TTN: variants seen among roughly 807,000 people sequenced by gnomAD.
The protein encoded by TTN is connectin.
Under a neutral mutation model 3,223.0 loss-of-function variants are expected in TTN, and 1,525 were observed. That is an observed-to-expected ratio of 0.47 (90% confidence interval 0.45 to 0.49). The LOEUF (loss-of-function observed/expected upper bound fraction) is 0.49. Ranked by LOEUF, TTN falls within the 20% of genes least tolerant of loss-of-function variation. The probability of loss-of-function intolerance (pLI) is 0.00; values close to 1 mark genes in which losing one functional copy is unlikely to be tolerated. For synonymous variants in TTN, 14,094 were observed against 15,161.0 expected, an observed-to-expected ratio of 0.93 and a Z score of 5.17; for missense variants, 40,786 against 43,424.0, an observed-to-expected ratio of 0.94 and a Z score of 5.40.
At position 178,614,906 on chromosome 2, in the gene TTN, C is replaced by T; in HGVS notation, c.48701G>A (p.Arg16234Lys). The T allele has an allele frequency of 6.3e-7, 1 of 1,588,130 alleles. No individual in the cohort carries two copies. Among genetic ancestry groups the T allele is most frequent in the Non-Finnish European group, 8.6e-7 (1 of 1,165,794 alleles). ...TCTGCTTGGTTTGCTAGCACCCTGC[C>T]TGTTTAAGGCCTTCACGCGGTAGGC... ...WYAYRVKALN[R>K]QGASKPSRPT... The change falls in exon 260 of 363, where the codon AGG (arginine) becomes AAG (lysine). Residue 16234 changes from arginine to lysine, a missense_variant. Arg to Lys is a conservative substitution (Grantham distance 26). Transcript: ENST00000589042.
chr2:178,794,370 C>T lies in TTN; in HGVS notation c.1398+29G>A, dbSNP rs577756022. ...ATGTGCACTGAAGGACGTGGCTCTG[C>T]GGGTGCCCCATGGCAGCCTCGCACG... On this transcript the variant is annotated intron_variant, in intron 8 of 362. Transcript: ENST00000589042. The T allele has an allele frequency of 7.3e-5, 117 of 1,613,494 alleles. 2 individuals carry two copies. In the South Asian group the frequency reaches 1.0e-3, roughly 14 times the overall value.
Position 178,733,756 on chromosome 2 carries a change from G to A in TTN, c.15633C>T (p.Asp5211=), listed in dbSNP as rs534365478. ...TGGAAAAGCTCATTTTGATTTTTCC[G>A]TCTTCTCTGATGACCTCTTGACCTT... ...WMKGQEVIRE[D]GKIKMSFSNG... is the part of the protein sequence containing the mutation. The change falls in exon 53 of 363, where the codon GAC becomes GAT. Residue 5211 remains aspartate, a synonymous_variant. Coordinates refer to ENST00000589042, the MANE Select transcript of TTN (RefSeq NM_001267550.2). 2.2e-5 allele frequency: 36 copies of A among 1,613,770 alleles called. No individual in the cohort carries two copies. Among genetic ancestry groups the A allele is most frequent in the South Asian group, 7.7e-5 (7 of 91,080 alleles).
rs145134004 is a variant in TTN, at chr2:178,672,548, A to C, written c.34856-67T>G. 1.0e-3 allele frequency: 1,618 copies of C among 1,602,098 alleles called. 16 individuals carry two copies. The African/African-American group carries it at 0.02, about 19-fold the overall frequency. On this transcript the variant is annotated intron_variant, in intron 153 of 362. Coordinates refer to ENST00000589042, the MANE Select transcript of TTN (RefSeq NM_001267550.2). ...AGCTTTCATAGACAAAAATCATCAAAAACAATCAAGACACAGAGACATGAA... is the reference window on the plus strand; with the variant it reads ...AGCTTTCATAGACAAAAATCATCAACAACAATCAAGACACAGAGACATGAA...
chr2:178,799,497 A>G lies in TTN; in HGVS notation c.904T>C (p.Ser302Pro). 1 of 1,614,088 alleles carries G rather than the reference A, an allele frequency of 6.2e-7. No individual in the cohort carries two copies. Among genetic ancestry groups the G allele is most frequent in the Non-Finnish European group, 8.5e-7 (1 of 1,179,998 alleles). Residue 302 changes from serine (S) to proline (P), a missense_variant, in exon 6 of 363, where the codon TCT becomes CCT. Coordinates refer to ENST00000589042, the MANE Select transcript of TTN (RefSeq NM_001267550.2). ...CTATGGCAGCTTTACCTGACCGGAG[A>G]TGGGGTCGGTGCCCGCACGTGTCTG... ...PVRHVRAPTP[S>P]PVRSVSPAAR...
Position 178,592,793 on chromosome 2 carries a change from G to A in TTN, c.59326C>T (p.Leu19776=). The change falls in exon 300 of 363, where the codon CTA becomes TTA. Residue 19776 remains leucine (L), a synonymous_variant. Coordinates refer to ENST00000589042, the MANE Select transcript of TTN (RefSeq NM_001267550.2). ...TACTCACCAAGCCTGTCTTTTACTA[G>A]GACTGGCTCCGGAACATGAGCTGGA... The part of the protein sequence containing the change: ...SDPAHVPEPV[L]VKDRLEPPEL... 6.2e-7 allele frequency: 1 copy of A among 1,613,412 alleles called. No homozygotes were observed. The highest frequency in any genetic ancestry group is 8.5e-7 in the Non-Finnish European group (1 of 1,179,616).
rs2056803021 is a variant in TTN, at chr2:178,613,879, A to C, written c.49404T>G (p.Thr16468=). The C allele has an allele frequency of 6.2e-7, 1 of 1,611,152 alleles. No individual in the cohort carries two copies. The highest frequency in any genetic ancestry group is 8.5e-7 in the Non-Finnish European group (1 of 1,178,638). The change falls in exon 263 of 363, where the codon ACT becomes ACG. Residue 16468 remains threonine, a synonymous_variant. Transcript: ENST00000589042. ...CATCATCTGGCTCACACCATGTGAG[A>C]GTCACTGCGTCTTTAGTGATATCAG... ...EPSDITKDAV[T]LTWCEPDDDG... is the part of the protein sequence containing the mutation.
In TTN at chr2:178,569,243, C is replaced by A. The variant is rs760386525; in HGVS notation, c.76889G>T (p.Gly25630Val). The A allele has an allele frequency of 6.2e-6, 10 of 1,602,852 alleles. No homozygotes were observed. The Admixed American group carries it at 1.4e-4, about 22-fold the overall frequency. Residue 25630 changes from glycine (G) to valine (V), a missense_variant, in exon 326 of 363, where the codon GGA becomes GTA. Physicochemically the swap from Gly to Val is moderately radical, Grantham distance 109 (BLOSUM62 -3). Transcript: ENST00000589042. ...AACAATGTAATTTTTTATTTTGGAT[C>A]CCCCATCCAACAAAGGAGGTTCCCA... is the stretch of plus-strand genomic sequence containing the variant. ...ITWEPPLLDG[G>V]SKIKNYIVEK...
In TTN at chr2:178,601,340, C is replaced by G. The variant is rs1249794224; in HGVS notation, c.55657G>C (p.Val18553Leu). The G allele has an allele frequency of 6.2e-7, 1 of 1,610,570 alleles. No homozygotes were observed. Among genetic ancestry groups the G allele is most frequent in the Admixed American group, 1.7e-5 (1 of 59,800 alleles). Reference protein sequence around the residue: ...LLSEQQYFFRVRAENRFGIGP... With the variant: ...LLSEQQYFFRLRAENRFGIGP... ...ATACCAAAACGGTTTTCTGCTCGCACACGGAAGAAATATTGCTGTTCAGAG... is the reference window on the plus strand; with the variant it reads ...ATACCAAAACGGTTTTCTGCTCGCAGACGGAAGAAATATTGCTGTTCAGAG... Residue 18553 changes from valine to leucine, a missense_variant, in exon 287 of 363, where the codon GTG becomes CTG. Transcript: ENST00000589042.
chr2:178,755,990 G>T (rs1432301071), intron 46 of TTN, among the ~76,000 whole-genome samples: 1 of 152,232 alleles, frequency 6.6e-6, no homozygotes, highest in Non-Finnish European at 1.5e-5. Flanking sequence ...ATAAACCTTT[G>T]CTTCCCGAAC....
Position 178,715,008 on chromosome 2 carries a change from G to GC in TTN, c.26177dup (p.Cys8726TrpfsTer19). 6.2e-7 allele frequency: 1 copy of GC among 1,611,610 alleles called. No homozygotes were observed. The highest frequency in any genetic ancestry group is 8.5e-7 in the Non-Finnish European group (1 of 1,178,406). ...AACCTTTGAGAGCGATGGAACCAAC[G>GC]CAAGTGTCGCTTCCCACATCATTTG... On this transcript the variant is annotated frameshift_variant, in exon 90 of 363. Coordinates refer to ENST00000589042, the MANE Select transcript of TTN (RefSeq NM_001267550.2). LOFTEE classifies it high-confidence loss of function.
At chr2:178,630,033 G>A (rs2059603114) in intron 239 of TTN, among the ~76,000 whole-genome samples, 1 of 151,970 alleles carries the variant, frequency 6.6e-6, no homozygotes, top group African/African-American at 2.4e-5. Flanking sequence ...ATTTTCTTTT[G>A]TTCAAATGGC....
Position 178,601,708 on chromosome 2 carries a change from G to A in TTN, c.55382C>T (p.Ala18461Val), listed in dbSNP as rs1278548100. The A allele has an allele frequency of 6.2e-7, 1 of 1,609,188 alleles. No homozygotes were observed. The highest frequency in any genetic ancestry group is 2.2e-5 in the East Asian group (1 of 44,678). Residue 18461 changes from alanine (A) to valine (V), a missense_variant, in exon 286 of 363, where the codon GCC (alanine) becomes GTC (valine). Physicochemically the swap from Ala to Val is moderately conservative, Grantham distance 64 (BLOSUM62 0). Coordinates refer to ENST00000589042, the MANE Select transcript of TTN (RefSeq NM_001267550.2). ...RSHTGKYSITAKNKAGQKTAN... is the reference protein window; with the variant it reads ...RSHTGKYSITVKNKAGQKTAN... ...AGTCTTTTGTCCTGCTTTATTCTTG[G>A]CTGTGATGCTGTATTTGCCTGTATG...
Position 178,681,747 on chromosome 2 carries a change from G to GTACAT in TTN, c.33095-14_33095-10dup, listed in dbSNP as rs2069460820. Reference sequence around the variant, plus strand: ...GATAGGCTTCTCTGGTTCTTTAAAAGTACATACAAGGTATTTCATGTTAGA... The same window carrying GTACAT: ...GATAGGCTTCTCTGGTTCTTTAAAAGTACATTACATACAAGGTATTTCATGTTAGA... On this transcript the variant is annotated splice_polypyrimidine_tract_variant and intron_variant, in intron 135 of 362. Coordinates refer to ENST00000589042, the MANE Select transcript of TTN (RefSeq NM_001267550.2). 2 of 1,580,598 alleles carry GTACAT rather than the reference G, an allele frequency of 1.3e-6. No homozygotes were observed. Among genetic ancestry groups the GTACAT allele is most frequent in the Non-Finnish European group, 1.7e-6 (2 of 1,168,428 alleles).
Position 178,600,980 on chromosome 2 carries a change from G to A in TTN, c.55924C>T (p.Leu18642=). 2 of 1,613,046 alleles carry A rather than the reference G, an allele frequency of 1.2e-6. No individual in the cohort carries two copies. Among genetic ancestry groups the A allele is most frequent in the South Asian group, 2.2e-5 (2 of 91,046 alleles). Reference sequence around the variant, plus strand: ...ACTAGGTCTTCAACAGTAAATTGCAGTTCTTCCACATCACGCTTATTGCAC... The same window carrying A: ...ACTAGGTCTTCAACAGTAAATTGCAATTCTTCCACATCACGCTTATTGCAC... ...RQCNKRDVEE[L]QFTVEDLVEG... is the part of the protein sequence containing the mutation. The change falls in exon 288 of 363, where the codon CTG becomes TTG. Residue 18642 remains leucine, a synonymous_variant. Transcript: ENST00000589042.
chr2:178,644,139 G>A (rs1173746884), intron 218 of TTN, among the ~76,000 whole-genome samples: 1 of 151,856 alleles, frequency 6.6e-6, no homozygotes, highest in Non-Finnish European at 1.5e-5. Context: ...TAATATAAAA[G>A]GAAGATAGGA....
chr2:178,750,141 T>C (rs2154329781), intron 47 of TTN: 1 of 1,613,140 alleles, frequency 6.2e-7, no homozygotes, highest in Non-Finnish European at 8.5e-7. Flanking sequence ...ACTGGTGGGT[T>C]AGTTTTTAAC....
intron 273 of TTN, 42 bp from the exon 274 acceptor site, chr2:178,608,950 G>A (rs758876189): frequency 3.2e-6 from 5 of 1,584,024 alleles, no homozygotes; most frequent in Non-Finnish European, 4.3e-6. Context: ...ATTTGTGTGG[G>A]AAGGGTTGCT....
intron 294 of TTN, among the ~76,000 whole-genome samples, chr2:178,596,687 C>T (rs1045839198): frequency 2.0e-5 from 3 of 152,086 alleles, no homozygotes; most frequent in Non-Finnish European, 4.4e-5. Flanking sequence ...TGTGGGGCTA[C>T]TGCTTAATGA....
rs747696035 is a variant in TTN at position 178,652,373 on chromosome 2, T to C, written c.39128-26A>G. 23 of 1,613,280 alleles carry C rather than the reference T, an allele frequency of 1.4e-5. No homozygotes were observed. The Middle Eastern group carries it at 4.9e-4, about 35-fold the overall frequency. ...CTTGAAAGATAATAGTGAAATTACA[T>C]TTAGGCATTATGAAGACCACTAGAA... On this transcript the variant is annotated intron_variant, in intron 202 of 362. Coordinates refer to ENST00000589042, the MANE Select transcript of TTN (RefSeq NM_001267550.2).
Sources: gnomAD v4.1 joint callset for allele counts (sites outside exome capture counted in the v4.1 genomes callset) on GRCh38, gnomAD v4.1.1 for gene constraint, MANE v1.5 for transcripts, NCBI Gene and HGNC (gene_info 2026-07-23, HGNC 2026-07-21) for gene names.